The following GPC6 variants were observed in gnomAD, a reference collection of about 807,000 sequenced individuals.
The protein encoded by GPC6 is glypican 6.
GPC6 carries 14 observed loss-of-function variants against 55.2 expected under a neutral mutation model. That is an observed-to-expected ratio of 0.25 (90% CI 0.17 to 0.40). The LOEUF (loss-of-function observed/expected upper bound fraction) is 0.40, where lower values mean the gene tolerates loss of function less well. GPC6 is among the 10% of genes least tolerant of loss of function. GPC6 has a pLI of 1.00. For missense variants in GPC6, 641 were observed against 708.5 expected, an observed-to-expected ratio of 0.90 and a Z score of 1.08; for synonymous variants, 278 against 259.6, an observed-to-expected ratio of 1.07 and a Z score of -0.68.
At chr13:93,295,648 T>C (rs1203242518) in intron 1 of GPC6, among the ~76,000 whole-genome samples, 3 of 151,864 alleles carry the variant, frequency 2.0e-5, no homozygotes, top group African/African-American at 7.3e-5. Flanking sequence ...GCTCGGGTAA[T>C]TTTTTTGTAT....
intron 2 of GPC6, among the ~76,000 whole-genome samples, chr13:93,552,610 C>A (rs531687001): frequency 6.6e-6 from 1 of 152,218 alleles, no homozygotes; most frequent in African/African-American, 2.4e-5. Flanking sequence ...ATTCTAAGAC[C>A]CCTACCACAC....
intron 2 of GPC6, among the ~76,000 whole-genome samples, chr13:93,796,009 C>A (rs1341111261): frequency 6.6e-6 from 1 of 151,468 alleles, no homozygotes; most frequent in Non-Finnish European, 1.5e-5. Context: ...CGTAGGGAGA[C>A]CCCGTCTCCG....
chr13:94,111,199 G>A (rs1026219285), intron 4 of GPC6, among the ~76,000 whole-genome samples: 5 of 151,774 alleles, frequency 3.3e-5, no homozygotes, highest in South Asian at 2.1e-4. Flanking sequence ...CGTTGTTATT[G>A]TAGGTGTTCT....
At chr13:94,064,968 T>C (rs1482809748) in intron 4 of GPC6, among the ~76,000 whole-genome samples, 1 of 152,178 alleles carries the variant, frequency 6.6e-6, no homozygotes, top group Non-Finnish European at 1.5e-5. Flanking sequence ...CCTTGTAATA[T>C]TTAAACATGG....
intron 1 of GPC6, among the ~76,000 whole-genome samples, chr13:93,373,588 A>C (rs1173069417): frequency 6.6e-6 from 1 of 152,202 alleles, no homozygotes; most frequent in Admixed American, 6.5e-5. Flanking sequence ...GTTTCATTAT[A>C]CTTAGATTAG....
At chr13:93,815,905 G>A (rs1886833824) in intron 2 of GPC6, among the ~76,000 whole-genome samples, 1 of 152,128 alleles carries the variant, frequency 6.6e-6, no homozygotes, top group African/African-American at 2.4e-5. Context: ...GGGGAGCTGA[G>A]CCATCTCTAA....
intron 4 of GPC6, among the ~76,000 whole-genome samples, chr13:94,239,315 C>A (rs1257359003): frequency 6.6e-6 from 1 of 152,150 alleles, no homozygotes; most frequent in Non-Finnish European, 1.5e-5. Flanking sequence ...AGGTACTAGA[C>A]AACCCACAGT....
chr13:94,182,616 G>A (rs1180297072), intron 4 of GPC6, among the ~76,000 whole-genome samples: 1 of 152,138 alleles, frequency 6.6e-6, no homozygotes, highest in East Asian at 1.9e-4. Flanking sequence ...AAACCTTGAA[G>A]AAAAGTGGAA....
intron 2 of GPC6, among the ~76,000 whole-genome samples, chr13:93,740,726 A>G (rs1294383907): frequency 1.3e-5 from 2 of 152,234 alleles, no homozygotes; most frequent in Non-Finnish European, 2.9e-5. Context: ...GATGAATTTA[A>G]TGCTAATTTC....
chr13:94,112,705 CTT>C (rs1043701446), intron 4 of GPC6, among the ~76,000 whole-genome samples: 19 of 152,108 alleles, frequency 1.2e-4, no homozygotes, highest in South Asian at 1.2e-3. Flanking sequence ...ACTGGCACAT[CTT>C]TTATGTGGCT....
chr13:94,144,498 G>T (rs1887492538), intron 4 of GPC6, among the ~76,000 whole-genome samples: 1 of 148,824 alleles, frequency 6.7e-6, no homozygotes. Flanking sequence ...TATCTGTTCA[G>T]TTCTTAGTTC....
intron 2 of GPC6, among the ~76,000 whole-genome samples, chr13:93,612,121 CA>C (rs112909687): frequency 1.3e-3 from 192 of 152,152 alleles, no homozygotes; most frequent in African/African-American, 4.2e-3. Context: ...TAATACCTCC[CA>C]AAAAATAAAT....
At chr13:94,039,949 G>A (rs983392944) in intron 4 of GPC6, among the ~76,000 whole-genome samples, 20 of 151,882 alleles carry the variant, frequency 1.3e-4, no homozygotes, top group African/African-American at 4.4e-4. Context: ...GCAAATATGA[G>A]AATGCTTAAC....
chr13:93,846,852 A>C (rs1452358344), intron 3 of GPC6, among the ~76,000 whole-genome samples: 1 of 152,196 alleles, frequency 6.6e-6, no homozygotes, highest in African/African-American at 2.4e-5. Context: ...CATTTCACAT[A>C]CTGAAGAAGA....
At chr13:93,723,963 G>A (rs1477257119) in intron 2 of GPC6, among the ~76,000 whole-genome samples, 1 of 151,768 alleles carries the variant, frequency 6.6e-6, no homozygotes, top group Non-Finnish European at 1.5e-5. Context: ...TGTTTGAATG[G>A]TTCATATTTG....
chr13:93,328,817 T>A (rs901307262), intron 1 of GPC6, among the ~76,000 whole-genome samples: 3 of 152,146 alleles, frequency 2.0e-5, no homozygotes, highest in Admixed American at 6.5e-5. Context: ...TGAATTAGTA[T>A]TATAGAAGGA....
intron 3 of GPC6, among the ~76,000 whole-genome samples, chr13:93,885,469 T>G (rs1875267315): frequency 6.6e-6 from 1 of 150,676 alleles, no homozygotes. Context: ...GGATTTTATT[T>G]AAGGAAGCAG....
At chr13:94,329,783 C>T (rs1272665749) in intron 6 of GPC6, among the ~76,000 whole-genome samples, 2 of 151,884 alleles carry the variant, frequency 1.3e-5, no homozygotes, top group Non-Finnish European at 2.9e-5. Flanking sequence ...CCTCCTACTC[C>T]TCCTCCTCCT....
At chr13:93,657,100 T>C (rs922061494) in intron 2 of GPC6, among the ~76,000 whole-genome samples, 1 of 152,036 alleles carries the variant, frequency 6.6e-6, no homozygotes, top group African/African-American at 2.4e-5. Context: ...GAAAAAACTA[T>C]TCTAAAATTC....
Sources: gnomAD v4.1 joint callset for allele counts (sites outside exome capture counted in the v4.1 genomes callset) on GRCh38, gnomAD v4.1.1 for gene constraint, MANE v1.5 for transcripts, NCBI Gene and HGNC (gene_info 2026-07-23, HGNC 2026-07-21) for gene names.